The following DNAH10 variants were observed in gnomAD, a reference collection of about 807,000 sequenced individuals.
The protein encoded by DNAH10 is axonemal beta dynein heavy chain 10.
Under a neutral mutation model 506.6 loss-of-function variants are expected in DNAH10, and 348 were observed. The ratio of observed to expected loss-of-function variants is 0.69; its 90% confidence interval spans 0.63 to 0.75. DNAH10 has a LOEUF of 0.75. Ranked by LOEUF, DNAH10 falls within the 30% of genes least tolerant of loss-of-function variation. The pLI, the probability that DNAH10 is intolerant of heterozygous loss-of-function variation, is 0.00. For missense variants in DNAH10, 5,179 were observed against 5,787.1 expected, an observed-to-expected ratio of 0.89 and a Z score of 3.41; for synonymous variants, 2,059 against 2,198.6, an observed-to-expected ratio of 0.94 and a Z score of 1.78.
At chr12:123,891,956 G>A (rs764685916) in intron 52 of DNAH10, among the ~76,000 whole-genome samples, 2 of 152,218 alleles carry the variant, frequency 1.3e-5, no homozygotes, top group African/African-American at 2.4e-5. Context: ...GTGGCAACTC[G>A]TGTGAAGTAC....
intron 51 of DNAH10, among the ~76,000 whole-genome samples, chr12:123,885,665 G>T (rs1952698196): frequency 6.6e-6 from 1 of 152,140 alleles, no homozygotes; most frequent in African/African-American, 2.4e-5. Context: ...GGAAAAAAGT[G>T]TCCTTATTAA....
intron 25 of DNAH10, among the ~76,000 whole-genome samples, chr12:123,829,430 A>T (rs1288149622): frequency 6.6e-6 from 1 of 152,244 alleles, no homozygotes; most frequent in Non-Finnish European, 1.5e-5. Flanking sequence ...CAACTTCCTG[A>T]AAAACAACCA....
Position 123,787,944 on chromosome 12 carries a change from T to G in DNAH10, c.1562T>G (p.Leu521Arg), listed in dbSNP as rs752170573. 3.1e-6 allele frequency: 5 copies of G among 1,600,850 alleles called. No homozygotes were observed. The highest frequency in any genetic ancestry group is 4.3e-6 in the Non-Finnish European group (5 of 1,173,902). The stretch of plus-strand genomic sequence containing the variant: ...CGGTGGGAGTTTGACCGGAAGCGGC[T>G]GTTCGAGAGGACGGATTATATGGCC... ...EDRWEFDRKR[L>R]FERTDYMATI... Residue 521 changes from leucine to arginine, a missense_variant, in exon 10 of 79, where the codon CTG becomes CGG. Around this residue, in one of 3 missense-constraint regions of DNAH10, gnomAD observed 4,844 missense variants for 5,430.5 expected, o/e 0.89. Coordinates refer to ENST00000673944, the MANE Select transcript of DNAH10 (RefSeq NM_001372106.1). The surrounding 1 kb of genome is among the most constrained non-coding windows in gnomAD (Gnocchi z 4.6).
chr12:123,784,899 G>C (rs996176264), intron 8 of DNAH10, among the ~76,000 whole-genome samples: 1 of 152,198 alleles, frequency 6.6e-6, no homozygotes, highest in Non-Finnish European at 1.5e-5. Context: ...GTGTTGTAGC[G>C]TGGAGCGTGT....
chr12:123,851,148 A>G (rs1027770691), intron 35 of DNAH10, 72 bp downstream of exon 35: 53 of 1,474,902 alleles, frequency 3.6e-5, no homozygotes, highest in Admixed American at 2.0e-4. Context: ...CTGGGGACCT[A>G]GGACGCGTTA....
intron 54 of DNAH10, among the ~76,000 whole-genome samples, 174 bp from the exon 55 acceptor site, chr12:123,897,596 C>T (rs11057389): frequency 0.17 from 26,563 of 151,982 alleles, 2,380 homozygotes; most frequent in East Asian, 0.27. Context: ...CATGGTGGCC[C>T]ATCCTGTAGT....
chr12:123,873,592 C>A lies in DNAH10; in HGVS notation c.7820C>A (p.Thr2607Lys), dbSNP rs372531069. The A allele has an allele frequency of 6.2e-7, 1 of 1,613,552 alleles. No individual in the cohort carries two copies. Among genetic ancestry groups the A allele is most frequent in the East Asian group, 2.2e-5 (1 of 44,856 alleles). ...ATGGTCAACTTCTCCTCCCGCACCACGTCCATGGATATCCAAAGAAATTTA... is the reference window on the plus strand; with the variant it reads ...ATGGTCAACTTCTCCTCCCGCACCAAGTCCATGGATATCCAAAGAAATTTA... ...VLMVNFSSRTTSMDIQRNLEA... is the reference protein window; with the variant it reads ...VLMVNFSSRTKSMDIQRNLEA... Residue 2607 changes from threonine to lysine, a missense_variant, in exon 46 of 79, where the codon ACG becomes AAG. Around this residue, in one of 3 missense-constraint regions of DNAH10, gnomAD observed 4,844 missense variants for 5,430.5 expected, o/e 0.89. Coordinates refer to ENST00000673944, the MANE Select transcript of DNAH10 (RefSeq NM_001372106.1).
intron 47 of DNAH10, among the ~76,000 whole-genome samples, 169 bp downstream of exon 47, chr12:123,875,660 T>C (rs1952226115): frequency 6.6e-6 from 1 of 152,226 alleles, no homozygotes; most frequent in Non-Finnish European, 1.5e-5. Flanking sequence ...AAAATCATCT[T>C]TATACGATGC....
chr12:123,829,498 A>G (rs988791007), intron 25 of DNAH10, among the ~76,000 whole-genome samples: 16 of 152,224 alleles, frequency 1.1e-4, no homozygotes, highest in African/African-American at 3.9e-4. Flanking sequence ...GTGAAGGTTA[A>G]GTTTCAGCGT....
chr12:123,808,201 T>A (rs75181091), intron 18 of DNAH10, among the ~76,000 whole-genome samples: 8,827 of 152,126 alleles, frequency 0.058, 372 homozygotes, highest in African/African-American at 0.12. Context: ...CCCAGCTAAT[T>A]TATTTTTATT....
chr12:123,780,171 CTCTCTT>C (rs982719087), intron 5 of DNAH10, among the ~76,000 whole-genome samples: 2 of 140,244 alleles, frequency 1.4e-5, no homozygotes, highest in Non-Finnish European at 3.1e-5. Context: ...CTCTCTCTCT[CTCTCTT>C]TCTTTCTGAG....
chr12:123,763,510 AT>A (rs151152389), intron 1 of DNAH10, among the ~76,000 whole-genome samples: 6 of 134,752 alleles, frequency 4.5e-5, no homozygotes, highest in Admixed American at 2.9e-4. Flanking sequence ...CAGACCTTTG[AT>A]TTTTTTTTTA....
rs141907525 is a variant in DNAH10, at chr12:123,880,553, C to T, written c.8634+752C>T. On this transcript the variant is annotated intron_variant, in intron 50 of 78. Transcript: ENST00000673944. ...AGAGACGTAGTCTTGCTCTGTGGCC[C>T]AGGTTGGTCTCGAACTCCTGGGCTC... 8.5e-4 allele frequency among the ~76,000 whole-genome samples: 129 copies of T among 151,874 alleles called. 1 individual carries two copies. Among genetic ancestry groups the T allele is most frequent in the African/African-American group, 3.0e-3 (124 of 41,414 alleles).
chr12:123,762,535 G>A lies in DNAH10; in HGVS notation c.199G>A (p.Val67Met). 4 of 1,558,696 alleles carry A rather than the reference G, an allele frequency of 2.6e-6. No individual in the cohort carries two copies. The highest frequency in any genetic ancestry group is 3.5e-6 in the Non-Finnish European group (4 of 1,152,628). Reference sequence around the variant, plus strand: ...CTACCGCACTATGGTGCCGGAGGAGGTGGAGGTGGAGATTGGTGAGCCTCG... The same window carrying A: ...CTACCGCACTATGGTGCCGGAGGAGATGGAGGTGGAGATTGGTGAGCCTCG... ...FIYRTMVPEE[V>M]EVEIDEIPVL... The change falls in exon 1 of 79, where the codon GTG (valine) becomes ATG (methionine). Residue 67 changes from valine to methionine, a missense_variant. By Grantham distance (21) the Val-to-Met change is conservative. This residue lies in a region of DNAH10 where 326 missense variants were observed against 330.8 expected (regional missense o/e 0.99). Coordinates refer to ENST00000673944, the MANE Select transcript of DNAH10 (RefSeq NM_001372106.1). The surrounding 1 kb of genome is among the most constrained non-coding windows in gnomAD (Gnocchi z 5.0).
intron 3 of DNAH10, 107 bp from the exon 4 acceptor site, chr12:123,772,727 G>C: frequency 4.9e-6 from 4 of 815,166 alleles, no homozygotes; most frequent in Non-Finnish European, 7.7e-6. Flanking sequence ...CAGAACATGA[G>C]ACCAGCCATT....
intron 32 of DNAH10, among the ~76,000 whole-genome samples, chr12:123,847,454 G>A (rs775335237): frequency 1.3e-5 from 2 of 152,104 alleles, no homozygotes; most frequent in Non-Finnish European, 2.9e-5. Context: ...GACCAGGAAG[G>A]CCAGTAGCAT....
At position 123,819,006 on chromosome 12, in the gene DNAH10, G is replaced by C. The variant is rs761573406; in HGVS notation, c.3837G>C (p.Leu1279=). The stretch of plus-strand genomic sequence containing the variant: ...AGATTGAGAGCATATGGTCCAATCT[G>C]TTTAATGATTCAGTGAATGTGGAGC... ...VDKIESIWSN[L]FNDSVNVEHA... is the part of the protein sequence containing the mutation. The change falls in exon 22 of 79, where the codon CTG becomes CTC. Residue 1279 remains leucine, a synonymous_variant. Transcript: ENST00000673944. 3 of 1,608,386 alleles carry C rather than the reference G, an allele frequency of 1.9e-6. No homozygotes were observed. Among genetic ancestry groups the C allele is most frequent in the Non-Finnish European group, 2.5e-6 (3 of 1,177,370 alleles).
chr12:123,888,277 TCA>T (rs1354492141), intron 52 of DNAH10, among the ~76,000 whole-genome samples: 1 of 152,138 alleles, frequency 6.6e-6, no homozygotes, highest in Middle Eastern at 3.2e-3. Context: ...ATTAACATCC[TCA>T]TTTCACAGCT....
chr12:123,793,745 A>G (rs1413637227), intron 11 of DNAH10, among the ~76,000 whole-genome samples, 197 bp from the exon 12 acceptor site: 2 of 151,990 alleles, frequency 1.3e-5, no homozygotes, highest in Admixed American at 6.6e-5. Context: ...AAATTCCTTT[A>G]CCTTTGAACT....
Sources: allele counts gnomAD v4.1 joint callset (sites outside exome capture counted in the v4.1 genomes callset), GRCh38; gene constraint gnomAD v4.1.1; regional missense constraint gnomAD v4.1.1; non-coding constraint Gnocchi (gnomAD v3.1); transcripts MANE v1.5; gene names NCBI Gene and HGNC (gene_info 2026-07-23, HGNC 2026-07-21).